The following ASTN2 variants were observed in gnomAD, a reference collection of about 807,000 sequenced individuals.
ASTN2 encodes astrotactin-2.
Under a neutral mutation model 139.8 loss-of-function variants are expected in ASTN2, and 54 were observed. The observed-to-expected ratio is 0.39, with a 90% CI of 0.31 to 0.48. The LOEUF is 0.48. ASTN2 is among the 20% of genes least tolerant of loss of function. The probability of loss-of-function intolerance (pLI) is 0.95; values close to 1 mark genes in which losing one functional copy is unlikely to be tolerated. For missense variants in ASTN2, 1,565 were observed against 1,725.1 expected (o/e 0.91, Z 1.64); for synonymous variants, 756 against 719.5 (o/e 1.05, Z -0.81).
At chr9:117,364,135 C>T (rs1191638930) in intron 1 of ASTN2, among the ~76,000 whole-genome samples, 3 of 152,176 alleles carry the variant, frequency 2.0e-5, no homozygotes, top group Admixed American at 2.0e-4. Flanking sequence ...CATATATTCC[C>T]TCTACAACAC....
Position 116,424,226 on chromosome 9 carries a change from A to T in ASTN2, c.*1625T>A, listed in dbSNP as rs1187642358. ...CTCAATAAAGCTGTTTTAAAAATAG[A>T]TAAATAAAGGGAGATTCCAGTGTTG... is the stretch of plus-strand genomic sequence containing the variant. On this transcript the variant is annotated 3_prime_UTR_variant, in exon 23 of 23. Transcript: ENST00000313400. Among the ~76,000 whole-genome samples the T allele has an allele frequency of 6.6e-6, 1 of 152,222 alleles. No homozygotes were observed. Among genetic ancestry groups the T allele is most frequent in the Non-Finnish European group, 1.5e-5 (1 of 68,042 alleles).
At chr9:116,539,447 GA>G (rs35340515) in intron 19 of ASTN2, among the ~76,000 whole-genome samples, 2 of 151,808 alleles carry the variant, frequency 1.3e-5, no homozygotes, top group South Asian at 4.2e-4. Flanking sequence ...ATAGTATATG[GA>G]AAAAAAATTT....
intron 5 of ASTN2, among the ~76,000 whole-genome samples, chr9:117,049,738 A>C (rs1587903856): frequency 6.6e-6 from 1 of 152,344 alleles, no homozygotes; most frequent in East Asian, 1.9e-4. Flanking sequence ...GTTAGAAGAA[A>C]ATAGAATTTT....
chr9:116,464,354 T>C (rs948550498), intron 20 of ASTN2, among the ~76,000 whole-genome samples: 1 of 152,142 alleles, frequency 6.6e-6, no homozygotes, highest in African/African-American at 2.4e-5. Context: ...GAGGATTATT[T>C]GTTTGCTATT....
At chr9:117,327,924 T>C (rs889081216) in intron 1 of ASTN2, among the ~76,000 whole-genome samples, 3 of 152,194 alleles carry the variant, frequency 2.0e-5, no homozygotes, top group African/African-American at 4.8e-5. Flanking sequence ...ACAACAGAGT[T>C]TGGCGTCTAG....
At chr9:116,677,447 T>C (rs1859577820) in intron 16 of ASTN2, among the ~76,000 whole-genome samples, 1 of 152,222 alleles carries the variant, frequency 6.6e-6, no homozygotes, top group South Asian at 2.1e-4. Flanking sequence ...CAGAAATTAC[T>C]TGGCATTATG....
intron 19 of ASTN2, among the ~76,000 whole-genome samples, chr9:116,526,679 C>G (rs772285361): frequency 6.6e-6 from 1 of 150,606 alleles, no homozygotes; most frequent in Non-Finnish European, 1.5e-5. Context: ...AGAAATACTG[C>G]GAAAGTAAAT....
chr9:117,361,285 A>C (rs1829686042), intron 1 of ASTN2, among the ~76,000 whole-genome samples: 1 of 152,200 alleles, frequency 6.6e-6, no homozygotes. Flanking sequence ...TCTTGTTCTC[A>C]AAAGGAAACA....
At position 116,618,424 on chromosome 9, in the gene ASTN2, C is replaced by T. The variant is rs1855959890; in HGVS notation, c.3255G>A (p.Leu1085=). The T allele has an allele frequency of 6.2e-7, 1 of 1,614,164 alleles. No individual in the cohort carries two copies. The part of the protein sequence containing the change: ...TVEPSSTVVS[L]EWVDVQPAIG... ...TAGCTGGCTGAACATCCACCCACTC[C>T]AAGGAGACCACAGTACTGGAGGGCT... The change falls in exon 19 of 23, where the codon TTG becomes TTA. Residue 1085 remains leucine, a synonymous_variant. Coordinates refer to ENST00000313400, the MANE Select transcript of ASTN2 (RefSeq NM_001365068.1).
intron 19 of ASTN2, among the ~76,000 whole-genome samples, chr9:116,497,191 C>T (rs1849695379): frequency 1.3e-5 from 2 of 152,182 alleles, no homozygotes; most frequent in Admixed American, 1.3e-4. Context: ...ACAGCTGCAG[C>T]TGAAATAGCC....
chr9:117,216,371 G>A (rs1325932991), intron 2 of ASTN2, among the ~76,000 whole-genome samples: 2 of 152,258 alleles, frequency 1.3e-5, no homozygotes, highest in Admixed American at 1.3e-4. Flanking sequence ...GTATGCAGGT[G>A]TGGCTGATAG....
chr9:117,076,824 C>T (rs1461405487), intron 5 of ASTN2, among the ~76,000 whole-genome samples: 2 of 152,182 alleles, frequency 1.3e-5, no homozygotes, highest in African/African-American at 4.8e-5. Flanking sequence ...GAGATAACAA[C>T]TCTTACATCT....
intron 19 of ASTN2, among the ~76,000 whole-genome samples, chr9:116,555,098 A>G (rs571998680): frequency 1.3e-5 from 2 of 152,328 alleles, no homozygotes; most frequent in East Asian, 3.9e-4. Flanking sequence ...TGATACCCAG[A>G]TATTCATGAG....
intron 2 of ASTN2, among the ~76,000 whole-genome samples, chr9:117,233,711 G>T (rs1181320004): frequency 6.6e-6 from 1 of 151,982 alleles, no homozygotes; most frequent in African/African-American, 2.4e-5. Flanking sequence ...TCAAACAAAG[G>T]AATTGCACTT....
intron 6 of ASTN2, among the ~76,000 whole-genome samples, chr9:117,025,955 G>C (rs917895897): frequency 3.3e-5 from 5 of 151,826 alleles, no homozygotes; most frequent in Admixed American, 2.6e-4. Context: ...AGTAGAGACA[G>C]GGTTTCACTG....
intron 19 of ASTN2, among the ~76,000 whole-genome samples, chr9:116,520,793 T>C (rs1195485244): frequency 2.0e-5 from 3 of 152,140 alleles, no homozygotes; most frequent in African/African-American, 7.2e-5. Flanking sequence ...GGTAAATGAA[T>C]TCAGCAAAGC....
chr9:116,961,990 CA>C (rs1391035514), intron 10 of ASTN2, among the ~76,000 whole-genome samples: 1 of 152,180 alleles, frequency 6.6e-6, no homozygotes, highest in Non-Finnish European at 1.5e-5. Context: ...GAGAATGAGG[CA>C]GTGGGATATG....
At chr9:116,436,781 T>G (rs182930153) in intron 22 of ASTN2, among the ~76,000 whole-genome samples, 1 of 152,136 alleles carries the variant, frequency 6.6e-6, no homozygotes, top group East Asian at 1.9e-4. Flanking sequence ...GCAGCACTAT[T>G]CACAATAGCA....
chr9:116,744,065 G>C (rs1218403859), intron 13 of ASTN2, among the ~76,000 whole-genome samples: 1 of 152,094 alleles, frequency 6.6e-6, no homozygotes, highest in African/African-American at 2.4e-5. Flanking sequence ...GGTGAGACTT[G>C]ACAGATTGGG....
Sources: allele counts gnomAD v4.1 joint callset (sites outside exome capture counted in the v4.1 genomes callset), GRCh38; gene constraint gnomAD v4.1.1; transcripts MANE v1.5; gene names NCBI Gene and HGNC (gene_info 2026-07-23, HGNC 2026-07-21).